POLR3GL: variants seen among roughly 807,000 people sequenced by gnomAD.
POLR3GL encodes RNA polymerase III subunit GL, also known as DNA-directed RNA polymerase III subunit RPC7-like.
Under a neutral mutation model 32.4 loss-of-function variants are expected in POLR3GL, and 26 were observed. That is an observed-to-expected ratio of 0.80 (90% confidence interval 0.59 to 1.11). POLR3GL has a LOEUF of 1.11. Ranked by LOEUF, POLR3GL falls within the 50% of genes most tolerant of loss-of-function variation. The pLI is 0.00. For missense variants in POLR3GL, 229 were observed against 280.1 expected, an observed-to-expected ratio of 0.82 and a Z score of 1.30; for synonymous variants, 95 against 98.7, an observed-to-expected ratio of 0.96 and a Z score of 0.22.
At chr1:145,975,229 C>T (rs1431379518) in intron 2 of POLR3GL, 78 bp from the exon 3 acceptor site, 10 of 1,561,106 alleles carry the variant, frequency 6.4e-6, no homozygotes, top group African/African-American at 1.4e-5. Flanking sequence ...GAGTGTTAGA[C>T]TAAATTGGGA....
intron 1 of POLR3GL, among the ~76,000 whole-genome samples, chr1:145,970,514 T>TA (rs1650229756): frequency 6.6e-6 from 1 of 152,164 alleles, no homozygotes; most frequent in Admixed American, 6.6e-5. Flanking sequence ...ATTTAAGACT[T>TA]ACGGAAAAAT....
chr1:145,978,028 GAGAA>G lies in POLR3GL; in HGVS notation c.507_510del (p.Glu170LysfsTer95), dbSNP rs782431621. The G allele has an allele frequency of 3.0e-5, 49 of 1,608,494 alleles. No homozygotes were observed. Among genetic ancestry groups the G allele is most frequent in the African/African-American group, 5.3e-5 (4 of 74,770 alleles). ...AGAAGTAACTTCAGAGGAGGATGAG[GAGAA>G]AGAAGAAGAAGAAGAGAAGGAAGAG... On this transcript the variant is annotated frameshift_variant, in exon 7 of 8. Transcript: ENST00000369314. LOFTEE classifies it high-confidence loss of function.
intron 1 of POLR3GL, among the ~76,000 whole-genome samples, chr1:145,970,395 C>G (rs1263303761): frequency 6.6e-6 from 1 of 152,154 alleles, no homozygotes; most frequent in African/African-American, 2.4e-5. Flanking sequence ...GTCATCCCAC[C>G]CCAGCCTCCC....
chr1:145,968,973 G>T (rs1419166436), intron 1 of POLR3GL, among the ~76,000 whole-genome samples: 3 of 152,048 alleles, frequency 2.0e-5, no homozygotes, highest in Non-Finnish European at 4.4e-5. Flanking sequence ...AACAGCCATT[G>T]TTTCCTCAAT....
intron 1 of POLR3GL, among the ~76,000 whole-genome samples, chr1:145,965,452 A>G (rs2101924869): frequency 6.6e-6 from 1 of 152,370 alleles, no homozygotes; most frequent in South Asian, 2.1e-4. Flanking sequence ...GAGAAGGAAG[A>G]AAGCAAGGAG....
chr1:145,974,879 GT>G lies in POLR3GL; in HGVS notation c.15del (p.Gly7AlafsTer9). On this transcript the variant is annotated frameshift_variant, in exon 2 of 8. Transcript: ENST00000369314. LOFTEE classifies it high-confidence loss of function. Reference sequence around the variant, plus strand: ...GCCCCCTCCACCATGGCCAGCCGGGGTGGGGGCCGGGGTCGTGGCCGGGGCC... The same window carrying G: ...GCCCCCTCCACCATGGCCAGCCGGGGGGGGGCCGGGGTCGTGGCCGGGGCC... MASR[G>X]GGRGRGRGQL... The G allele has an allele frequency of 6.6e-7, 1 of 1,516,352 alleles. No individual in the cohort carries two copies. The highest frequency in any genetic ancestry group is 8.8e-7 in the Non-Finnish European group (1 of 1,141,792). 93.9% of individuals were successfully genotyped at this position (1,516,352 alleles called of 1,614,324 possible).
chr1:145,977,091 G>C lies in POLR3GL; in HGVS notation c.264G>C (p.Glu88Asp), dbSNP rs1553763514. 3.7e-6 allele frequency: 6 copies of C among 1,613,692 alleles called. No homozygotes were observed. The African/African-American group carries it at 8.0e-5, about 22-fold the overall frequency. Residue 88 changes from glutamate (E) to aspartate (D), a missense_variant, in exon 4 of 8, where the codon GAG (glutamate) becomes GAC (aspartate). Coordinates refer to ENST00000369314, the MANE Select transcript of POLR3GL (RefSeq NM_032305.3). ...GACCCTTCCACCCCTCAGATGTGGA[G>C]CGTTATTCAGACAAATATCAGATGT... The part of the protein sequence containing the change: ...IRPAVPKRDV[E>D]RYSDKYQMSG...
At chr1:145,975,106 C>T (rs1411438759) in intron 2 of POLR3GL, 115 bp downstream of exon 2, 23 of 1,356,548 alleles carry the variant, frequency 1.7e-5, no homozygotes, top group Admixed American at 5.5e-5. Flanking sequence ...TCTCTCTATA[C>T]TCCCAATGCA....
chr1:145,977,676 G>A, intron 5 of POLR3GL, 102 bp from the exon 6 acceptor site: 1 of 1,327,090 alleles, frequency 7.5e-7, no homozygotes, highest in Non-Finnish European at 1.1e-6. Flanking sequence ...TGTCATAGTG[G>A]CCACATGAGG....
In POLR3GL at chr1:145,969,806, C is replaced by T. The variant is rs587638735; in HGVS notation, c.-41-5019C>T. ...TGGTGGTGGGTGCCTGTAATCCCAG[C>T]CACTCAGGAGGCTGAGGCAGGAGAA... On this transcript the variant is annotated intron_variant, in intron 1 of 7. Coordinates refer to ENST00000369314, the MANE Select transcript of POLR3GL (RefSeq NM_032305.3). 3.2e-4 allele frequency among the ~76,000 whole-genome samples: 48 copies of T among 150,754 alleles called. No homozygotes were observed. The East Asian group carries it at 9.6e-3, about 30-fold the overall frequency.
At chr1:145,967,746 G>C (rs587643156) in intron 1 of POLR3GL, among the ~76,000 whole-genome samples, 2 of 152,258 alleles carry the variant, frequency 1.3e-5, no homozygotes, top group Admixed American at 1.3e-4. Context: ...TGGAATGAAA[G>C]CTCCATTTAA....
chr1:145,976,566 G>A (rs1484980938), intron 3 of POLR3GL, among the ~76,000 whole-genome samples: 2 of 96,302 alleles, frequency 2.1e-5, no homozygotes, highest in African/African-American at 8.9e-5. Context: ...GACAGTGCGA[G>A]ATTCTGTCTG....
Position 145,978,581 on chromosome 1 carries a change from G to T in POLR3GL, c.*134G>T, listed in dbSNP as rs1168899057. On this transcript the variant is annotated 3_prime_UTR_variant, in exon 8 of 8. Transcript: ENST00000369314. ...TCTGTTCCCTGGAGATGGGAATAGA[G>T]GATGATGACAGTTTATTTTCTACAC... The T allele has an allele frequency of 5.9e-6, 4 of 679,592 alleles. No individual in the cohort carries two copies. The highest frequency in any genetic ancestry group is 1.8e-5 in the South Asian group (1 of 54,600). 42.1% of individuals were successfully genotyped at this position (679,592 alleles called of 1,614,324 possible).
chr1:145,975,027 GC>G, intron 2 of POLR3GL, 36 bp downstream of exon 2: 1 of 1,501,844 alleles, frequency 6.7e-7, no homozygotes, highest in Non-Finnish European at 8.9e-7. Flanking sequence ...ACTCTCATGT[GC>G]CCCTGGCTGA....
At chr1:145,965,097 T>A (rs1184282367) in intron 1 of POLR3GL, among the ~76,000 whole-genome samples, 1 of 152,244 alleles carries the variant, frequency 6.6e-6, no homozygotes, top group African/African-American at 2.4e-5. Flanking sequence ...ATGCTACCTG[T>A]AGTTTTCCTG....
chr1:145,975,217 G>A (rs1364195262), intron 2 of POLR3GL, 90 bp from the exon 3 acceptor site: 1 of 1,520,642 alleles, frequency 6.6e-7, no homozygotes, highest in Non-Finnish European at 9.0e-7. Context: ...TCTGCTCAGT[G>A]GGAGTGTTAG....
chr1:145,978,485 C>T lies in POLR3GL; in HGVS notation c.*38C>T, dbSNP rs781907593. The T allele has an allele frequency of 4.1e-6, 5 of 1,232,666 alleles. 1 individual carries two copies. In the Admixed American group the frequency reaches 8.9e-5, roughly 22 times the overall value. 76.4% of individuals were successfully genotyped at this position (1,232,666 alleles called of 1,614,324 possible). On this transcript the variant is annotated 3_prime_UTR_variant, in exon 8 of 8. Coordinates refer to ENST00000369314, the MANE Select transcript of POLR3GL (RefSeq NM_032305.3). ...GACCCTCGTGTCTTTCTTTAGGATA[C>T]AGAGAGTAACTGTACCTATTATTTG...
intron 4 of POLR3GL, 102 bp from the exon 5 acceptor site, chr1:145,977,381 C>A: frequency 8.3e-7 from 1 of 1,210,952 alleles, no homozygotes. Context: ...CAGCCCCTTC[C>A]TTCCTCTCCT....
At chr1:145,971,125 G>A (rs782236418) in intron 1 of POLR3GL, among the ~76,000 whole-genome samples, 1 of 131,700 alleles carries the variant, frequency 7.6e-6, no homozygotes, top group Non-Finnish European at 1.5e-5. Flanking sequence ...GGCGGAAGTT[G>A]CAGTGAGCCG....
Sources: gnomAD v4.1 joint callset for allele counts (sites outside exome capture counted in the v4.1 genomes callset) on GRCh38, gnomAD v4.1.1 for gene constraint, MANE v1.5 for transcripts, NCBI Gene and HGNC (gene_info 2026-07-23, HGNC 2026-07-21) for gene names.